MUSK: variants seen among roughly 807,000 people sequenced by gnomAD.
MUSK encodes muscle associated receptor tyrosine kinase, also known as muscle, skeletal receptor tyrosine-protein kinase.
In MUSK, 55 loss-of-function variants were observed where a neutral mutation model predicts 88.7. That is an observed-to-expected ratio of 0.62 (90% confidence interval 0.50 to 0.78). The LOEUF (loss-of-function observed/expected upper bound fraction) is 0.78. Ranked by LOEUF, MUSK falls within the 30% of genes least tolerant of loss-of-function variation. The pLI is 0.00. For missense variants in MUSK, 1,015 were observed against 1,074.3 expected (o/e 0.94, Z 0.77); for synonymous variants, 387 against 391.9 (o/e 0.99, Z 0.15).
At chr9:110,672,574 G>A (rs918390384) in intron 1 of MUSK, among the ~76,000 whole-genome samples, 12 of 152,090 alleles carry the variant, frequency 7.9e-5, no homozygotes, top group Non-Finnish European at 1.5e-4. Context: ...ATACAGATTG[G>A]ATCAGGAAGA....
At chr9:110,754,835 A>G (rs1256294804) in intron 7 of MUSK, among the ~76,000 whole-genome samples, 1 of 152,230 alleles carries the variant, frequency 6.6e-6, no homozygotes, top group Admixed American at 6.5e-5. Context: ...TGAGTTCAGC[A>G]GTGACATAGA....
At chr9:110,783,717 A>G (rs967289549) in intron 11 of MUSK, among the ~76,000 whole-genome samples, 11 of 151,702 alleles carry the variant, frequency 7.3e-5, no homozygotes, top group Non-Finnish European at 1.5e-4. Flanking sequence ...ATTACCTATT[A>G]TCTTTTGTTT....
At chr9:110,730,076 G>A (rs1368542009) in intron 5 of MUSK, among the ~76,000 whole-genome samples, 1 of 152,122 alleles carries the variant, frequency 6.6e-6, no homozygotes, top group Non-Finnish European at 1.5e-5. Context: ...TAGAATTGCT[G>A]GCTTCTTGAG....
Position 110,804,558 on chromosome 9 carries a change from A to G in MUSK, c.*3570A>G, listed in dbSNP as rs574838261. On this transcript the variant is annotated 3_prime_UTR_variant, in exon 15 of 15. Coordinates refer to ENST00000374448, the MANE Select transcript of MUSK (RefSeq NM_005592.4). ...ACAGTTTTTATTTTGGCAATTGTCT[A>G]CAGCCCATTTTTCTGCTGTGTTCAT... is the stretch of plus-strand genomic sequence containing the variant. Among the ~76,000 whole-genome samples, 4 of 152,144 alleles carry G rather than the reference A, an allele frequency of 2.6e-5. No individual in the cohort carries two copies. The South Asian group carries it at 8.3e-4, about 32-fold the overall frequency.
chr9:110,744,092 G>C (rs140510578), intron 6 of MUSK, among the ~76,000 whole-genome samples: 1 of 151,968 alleles, frequency 6.6e-6, no homozygotes, highest in East Asian at 1.9e-4. Flanking sequence ...CTCAGCCTCT[G>C]GAGTAGCTGG....
chr9:110,774,390 C>T (rs1181508225), intron 9 of MUSK, among the ~76,000 whole-genome samples: 1 of 152,052 alleles, frequency 6.6e-6, no homozygotes, highest in East Asian at 1.9e-4. Context: ...GTGAAAAACT[C>T]TGCTATAGAG....
chr9:110,673,888 T>C (rs1046078592), intron 1 of MUSK, among the ~76,000 whole-genome samples: 1 of 152,182 alleles, frequency 6.6e-6, no homozygotes, highest in African/African-American at 2.4e-5. Flanking sequence ...CATTGGCATA[T>C]TTTCTTCCAT....
intron 6 of MUSK, among the ~76,000 whole-genome samples, chr9:110,740,044 C>T (rs2077077309): frequency 6.6e-6 from 1 of 152,082 alleles, no homozygotes; most frequent in Non-Finnish European, 1.5e-5. Flanking sequence ...GTGTTTAATG[C>T]AAGCATCACA....
intron 11 of MUSK, among the ~76,000 whole-genome samples, chr9:110,780,126 G>A (rs999797459): frequency 2.0e-4 from 31 of 152,034 alleles, no homozygotes; most frequent in African/African-American, 7.5e-4. Context: ...TATCACAACT[G>A]ATATACTCTA....
rs1394079179 is a variant in MUSK, at chr9:110,731,277, C to CA, written c.629-2968dup. Among the ~76,000 whole-genome samples, 138 of 151,806 alleles carry CA rather than the reference C, an allele frequency of 9.1e-4. 3 individuals are homozygous for CA. The highest frequency in any genetic ancestry group is 2.9e-4 in the Non-Finnish European group (20 of 67,928). ...TTACATTCTAGAGAGGAGAGACTGA[C>CA]AAAAAACAAACAAGCAAACAAATAA... On this transcript the variant is annotated intron_variant, in intron 5 of 14. Transcript: ENST00000374448.
chr9:110,689,955 A>ATATATAAATATATATTTAAAT (rs1182496253), intron 3 of MUSK, among the ~76,000 whole-genome samples: 1 of 74,304 alleles, frequency 1.3e-5, no homozygotes, highest in Non-Finnish European at 2.4e-5. Flanking sequence ...TTTAAATATA[A>ATATATAAATATATATTTAAAT]ATATATATTT....
intron 1 of MUSK, among the ~76,000 whole-genome samples, chr9:110,673,955 T>G (rs1484425512): frequency 6.6e-6 from 1 of 152,230 alleles, no homozygotes; most frequent in African/African-American, 2.4e-5. Flanking sequence ...CTATTTTTAC[T>G]TAGCACTAAA....
intron 8 of MUSK, among the ~76,000 whole-genome samples, chr9:110,766,383 T>C (rs933942017): frequency 1.3e-5 from 2 of 152,192 alleles, no homozygotes; most frequent in Non-Finnish European, 2.9e-5. Flanking sequence ...GAGAAAGTTT[T>C]TGTGGAGTTT....
chr9:110,771,508 TA>T (rs1401710196), intron 9 of MUSK, among the ~76,000 whole-genome samples: 1 of 152,192 alleles, frequency 6.6e-6, no homozygotes, highest in Non-Finnish European at 1.5e-5. Flanking sequence ...GTATAATATA[TA>T]CTGCTTTGTG....
intron 5 of MUSK, among the ~76,000 whole-genome samples, chr9:110,706,705 A>C (rs1308968183): frequency 6.6e-6 from 1 of 152,120 alleles, no homozygotes; most frequent in Non-Finnish European, 1.5e-5. Flanking sequence ...TGCCCCCTTT[A>C]AAACGCTAGA....
chr9:110,737,797 T>C (rs1195718064), intron 6 of MUSK, among the ~76,000 whole-genome samples: 1 of 152,150 alleles, frequency 6.6e-6, no homozygotes, highest in African/African-American at 2.4e-5. Flanking sequence ...ATCTTTCTCT[T>C]CTTTATGCTC....
chr9:110,716,515 T>C (rs2076745838), intron 5 of MUSK, among the ~76,000 whole-genome samples: 1 of 150,218 alleles, frequency 6.7e-6, no homozygotes, highest in South Asian at 2.1e-4. Context: ...ATAAACATTA[T>C]ATTTTAATTT....
In MUSK at chr9:110,785,656, G is replaced by A. The variant is rs747237685; in HGVS notation, c.1716G>A (p.Arg572=). ...AATTGCTCAGCCTGGAGTATCCAAG[G>A]AATAACATTGAATATGTGAGAGACA... is the stretch of plus-strand genomic sequence containing the variant. The part of the protein sequence containing the change: ...NPKLLSLEYP[R]NNIEYVRDIG... The change falls in exon 13 of 15, where the codon AGG becomes AGA. Residue 572 remains arginine (R), a synonymous_variant. Coordinates refer to ENST00000374448, the MANE Select transcript of MUSK (RefSeq NM_005592.4). The A allele has an allele frequency of 3.0e-5, 49 of 1,612,722 alleles. No individual in the cohort carries two copies. Among genetic ancestry groups the A allele is most frequent in the Admixed American group, 5.0e-5 (3 of 59,928 alleles).
chr9:110,761,560 C>T (rs1444541920), intron 7 of MUSK, among the ~76,000 whole-genome samples: 1 of 141,144 alleles, frequency 7.1e-6, no homozygotes, highest in Non-Finnish European at 1.5e-5. Context: ...TTAACCTCCA[C>T]ATCTTGCTTT....
Sources: allele counts gnomAD v4.1 joint callset (sites outside exome capture counted in the v4.1 genomes callset), GRCh38; gene constraint gnomAD v4.1.1; transcripts MANE v1.5; gene names NCBI Gene and HGNC (gene_info 2026-07-23, HGNC 2026-07-21).